ARMC12: variants seen among roughly 807,000 people sequenced by gnomAD.
The protein encoded by ARMC12 is armadillo repeat-containing protein 12.
In ARMC12, 25 loss-of-function variants were observed where a neutral mutation model predicts 37.4. The ratio of observed to expected loss-of-function variants is 0.67; its 90% CI spans 0.49 to 0.93. The LOEUF (loss-of-function observed/expected upper bound fraction) is 0.93, where lower values mean the gene tolerates loss of function less well. Ranked by LOEUF, ARMC12 falls within the 40% of genes least tolerant of loss-of-function variation. The pLI, the probability that ARMC12 is intolerant of heterozygous loss-of-function variation, is 0.00. For synonymous variants in ARMC12, 167 were observed against 176.1 expected (o/e 0.95, Z 0.41); for missense variants, 384 against 426.6 (o/e 0.90, Z 0.88).
At chr6:35,745,516 A>T (rs1005922449) in intron 3 of ARMC12, among the ~76,000 whole-genome samples, 1 of 152,106 alleles carries the variant, frequency 6.6e-6, no homozygotes, top group Non-Finnish European at 1.5e-5. Context: ...CTTGAGATAG[A>T]TCTTTGTGGC....
intron 2 of ARMC12, 90 bp from the exon 3 acceptor site, chr6:35,738,294 G>GT (rs1554141457): frequency 2.2e-5 from 32 of 1,429,922 alleles, no homozygotes; most frequent in East Asian, 1.2e-4. Flanking sequence ...GGTGGGGGGG[G>GT]GGTGTGCGGA....
chr6:35,740,441 A>G (rs902081450), intron 3 of ARMC12, among the ~76,000 whole-genome samples: 3 of 152,044 alleles, frequency 2.0e-5, no homozygotes, highest in Non-Finnish European at 4.4e-5. Context: ...AACCCCTCCC[A>G]TCTTACAAAG....
intron 1 of ARMC12, 122 bp from the exon 2 acceptor site, chr6:35,737,905 G>C (rs549274142): frequency 1.4e-6 from 2 of 1,390,362 alleles, no homozygotes; most frequent in Non-Finnish European, 2.0e-6. Flanking sequence ...TGCATATGGC[G>C]AGAAGGCTTC....
chr6:35,747,718 C>T, intron 5 of ARMC12, 71 bp downstream of exon 5: 2 of 1,487,056 alleles, frequency 1.3e-6, no homozygotes, highest in Non-Finnish European at 1.9e-6. Context: ...ATCATGGCAT[C>T]TCCAGACAGA....
At chr6:35,736,559 T>G (rs1401818415), upstream of ARMC12, among the ~76,000 whole-genome samples, 2 of 152,106 alleles carry the variant, frequency 1.3e-5, no homozygotes, top group Non-Finnish European at 2.9e-5. Flanking sequence ...CCCTCTCCCC[T>G]TTTATTCCCC....
upstream of ARMC12, chr6:35,735,096 AG>A (rs1013453525): frequency 6.6e-6 from 1 of 152,126 alleles, no homozygotes; most frequent in Non-Finnish European, 1.5e-5. This position sits in a 1 kb window ranked among gnomAD's most constrained non-coding sequence, Gnocchi z 4.0. Context: ...TTAGGAAGTG[AG>A]GGTTGCAGAA....
chr6:35,741,134 G>A (rs758772169), intron 3 of ARMC12, among the ~76,000 whole-genome samples: 4 of 152,058 alleles, frequency 2.6e-5, no homozygotes, highest in Non-Finnish European at 4.4e-5. Flanking sequence ...CTCTTTCACC[G>A]CTCTGTGGTG....
Position 35,738,462 on chromosome 6 carries a change from G to A in ARMC12, c.388G>A (p.Ala130Thr), listed in dbSNP as rs754803407. The change falls in exon 3 of 6, where the codon GCT becomes ACT. Residue 130 changes from alanine (A) to threonine (T), a missense_variant. By Grantham distance (58) the Ala-to-Thr change is moderately conservative. Coordinates refer to ENST00000373866, the MANE Select transcript of ARMC12 (RefSeq NM_001286574.2). ...DDKDNSVKTQ[A>T]LNTLKAFSGI... The stretch of plus-strand genomic sequence containing the variant: ...CAAGGACAACAGTGTCAAAACCCAA[G>A]CTCTGAATACACTTAAAGCTTTCTC... The A allele has an allele frequency of 3.7e-6, 6 of 1,613,996 alleles. No individual in the cohort carries two copies. In the South Asian group the frequency reaches 6.6e-5, roughly 18 times the overall value.
chr6:35,748,837 G>C lies in ARMC12; in HGVS notation c.990G>C (p.Gln330His). Residue 330 changes from glutamine to histidine, a missense_variant, in exon 6 of 6, where the codon CAG (glutamine) becomes CAC (histidine). By Grantham distance (24) the Gln-to-His change is conservative. Transcript: ENST00000373866. ...TGAGAGCCCGGCCCTCCTCCTGCCAGCCCAGTCGTTCCTACTTTAAAAACA... is the reference window on the plus strand; with the variant it reads ...TGAGAGCCCGGCCCTCCTCCTGCCACCCCAGTCGTTCCTACTTTAAAAACA... ...QDLRARPSSC[Q>H]PSRSYFKNTE 6.2e-7 allele frequency: 1 copy of C among 1,613,040 alleles called. No individual in the cohort carries two copies.
chr6:35,743,169 C>T (rs1471124877), intron 3 of ARMC12, among the ~76,000 whole-genome samples: 1 of 151,256 alleles, frequency 6.6e-6, no homozygotes, highest in Non-Finnish European at 1.5e-5. Context: ...AGGTGCAGCT[C>T]GTGAGGTTAC....
rs1458938314 is a variant in ARMC12, at chr6:35,748,561, G to C, written c.714G>C (p.Leu238=). ...AGGTTCACTCCAACTTCCTAAACCT[G>C]TTCCAGCCCACACAGTCAGGGAGTC... ...NCQVHSNFLN[L]FQPTQSGSLL... The change falls in exon 6 of 6, where the codon CTG becomes CTC. Residue 238 remains leucine, a synonymous_variant. Coordinates refer to ENST00000373866, the MANE Select transcript of ARMC12 (RefSeq NM_001286574.2). The C allele has an allele frequency of 1.3e-6, 2 of 1,533,828 alleles. No individual in the cohort carries two copies. The highest frequency in any genetic ancestry group is 1.4e-5 in the African/African-American group (1 of 72,768).
chr6:35,743,023 G>T (rs2151042499), intron 3 of ARMC12, among the ~76,000 whole-genome samples: 1 of 152,228 alleles, frequency 6.6e-6, no homozygotes, highest in South Asian at 2.1e-4. Context: ...CTGAAACCCT[G>T]TCCCAGACTT....
At chr6:35,736,920 T>G (rs1372195585), upstream of ARMC12, 1 of 832,412 alleles carries the variant, frequency 1.2e-6, no homozygotes, top group East Asian at 2.7e-5. Flanking sequence ...CCATCTGTTC[T>G]CGAGCACTCC....
In ARMC12 at chr6:35,738,057, G is replaced by C. The variant is rs202136403; in HGVS notation, c.194G>C (p.Arg65Pro). The change falls in exon 2 of 6, where the codon CGG (arginine) becomes CCG (proline). Residue 65 changes from arginine to proline, a missense_variant. Physicochemically the swap from Arg to Pro is moderately radical, Grantham distance 103. Transcript: ENST00000373866. ...RLAVERERHG[R>P]DSGELRRLLN... ...GCAGTCGAGCGAGAGCGGCACGGGCGGGACTCAGGTGAGCTCCGGAGGCTC... is the reference window on the plus strand; with the variant it reads ...GCAGTCGAGCGAGAGCGGCACGGGCCGGACTCAGGTGAGCTCCGGAGGCTC... The C allele has an allele frequency of 6.2e-7, 1 of 1,613,804 alleles. No individual in the cohort carries two copies. The highest frequency in any genetic ancestry group is 1.7e-5 in the Admixed American group (1 of 60,006).
chr6:35,731,560 G>C, the ARMC12 span, among the ~76,000 whole-genome samples: 6 of 152,106 alleles, frequency 3.9e-5, no homozygotes, highest in African/African-American at 1.4e-4. Context: ...GGGCCCCTCC[G>C]CATCCGAACC....
At chr6:35,743,239 G>A (rs920130141) in intron 3 of ARMC12, among the ~76,000 whole-genome samples, 1 of 147,196 alleles carries the variant, frequency 6.8e-6, no homozygotes, top group African/African-American at 2.5e-5. Context: ...TTTTTGAGAC[G>A]GAGTTTCGCT....
intron 5 of ARMC12, among the ~76,000 whole-genome samples, chr6:35,748,163 A>G (rs1235507072): frequency 6.6e-6 from 1 of 152,218 alleles, no homozygotes; most frequent in African/African-American, 2.4e-5. Context: ...AAAAGCCAAA[A>G]TTAGTGAGGA....
chr6:35,742,166 T>G (rs371855606), intron 3 of ARMC12, among the ~76,000 whole-genome samples: 2 of 151,904 alleles, frequency 1.3e-5, no homozygotes, highest in Non-Finnish European at 2.9e-5. Flanking sequence ...CAGGCTGTGA[T>G]TCTCAAGCAT....
chr6:35,746,506 C>CT (rs1043597283), intron 3 of ARMC12, among the ~76,000 whole-genome samples: 2 of 152,136 alleles, frequency 1.3e-5, no homozygotes, highest in Middle Eastern at 3.4e-3. Flanking sequence ...AGTGACATGT[C>CT]TAACATGTCA....
Sources: allele counts gnomAD v4.1 joint callset (sites outside exome capture counted in the v4.1 genomes callset), GRCh38; gene constraint gnomAD v4.1.1; non-coding constraint Gnocchi (gnomAD v3.1); transcripts MANE v1.5; gene names NCBI Gene and HGNC (gene_info 2026-07-23, HGNC 2026-07-21).